Variants in MTFR1 observed in about 807,000 individuals in gnomAD.
MTFR1 encodes chondrocyte protein with a poly-proline region.
MTFR1 carries 28 observed loss-of-function variants against 38.8 expected under a neutral mutation model. That is an observed-to-expected ratio of 0.72 (90% confidence interval 0.53 to 0.99). MTFR1 has a LOEUF of 0.99. MTFR1 is among the 50% of genes least tolerant of loss of function. The probability of loss-of-function intolerance (pLI) is 0.00; values close to 1 mark genes in which losing one functional copy is unlikely to be tolerated. For synonymous variants in MTFR1, 145 were observed against 137.0 expected, an observed-to-expected ratio of 1.06 and a Z score of -0.41; for missense variants, 358 against 395.5, an observed-to-expected ratio of 0.91 and a Z score of 0.81.
At chr8:65,720,409 C>T (rs1023066179) in intron 3 of MTFR1, 1 of 154,126 alleles carries the variant, frequency 6.5e-6, no homozygotes, top group Admixed American at 6.5e-5. Flanking sequence ...CCAAGACTCT[C>T]GTTGCAGCAA....
At chr8:65,742,055 T>C (rs1807461520) in intron 3 of MTFR1, among the ~76,000 whole-genome samples, 1 of 151,916 alleles carries the variant, frequency 6.6e-6, no homozygotes, top group Non-Finnish European at 1.5e-5. Context: ...AGAACACAAG[T>C]CAACAAAATA....
chr8:65,706,413 T>C (rs1293975901), intron 5 of MTFR1, among the ~76,000 whole-genome samples: 1 of 152,144 alleles, frequency 6.6e-6, no homozygotes, highest in Non-Finnish European at 1.5e-5. Context: ...CTTACTTCAT[T>C]TCCATAACTC....
chr8:65,733,094 C>A (rs749690945), intron 3 of MTFR1, among the ~76,000 whole-genome samples: 2 of 152,122 alleles, frequency 1.3e-5, no homozygotes, highest in Non-Finnish European at 2.9e-5. Flanking sequence ...TTATCTATAT[C>A]CTTAATTGAA....
At chr8:65,712,096 GGTC>G (rs965662463), downstream of MTFR1, among the ~76,000 whole-genome samples, 2 of 152,136 alleles carry the variant, frequency 1.3e-5, no homozygotes, top group African/African-American at 4.8e-5. Flanking sequence ...GTTGCCTAAT[GGTC>G]ACCCCTCTTC....
intron 3 of MTFR1, among the ~76,000 whole-genome samples, chr8:65,770,256 TAA>T (rs1049280622): frequency 6.6e-6 from 1 of 152,074 alleles, no homozygotes; most frequent in Non-Finnish European, 1.5e-5. Flanking sequence ...ACGCTGCTGA[TAA>T]AGACATACCT....
At chr8:65,772,931 C>T (rs545715274), downstream of MTFR1, among the ~76,000 whole-genome samples, 4 of 152,226 alleles carry the variant, frequency 2.6e-5, no homozygotes, top group South Asian at 8.3e-4. Flanking sequence ...TCACTTGAAC[C>T]TGGGAGACGG....
intron 6 of MTFR1, among the ~76,000 whole-genome samples, chr8:65,707,544 G>C (rs572033389): frequency 6.6e-6 from 1 of 152,158 alleles, no homozygotes; most frequent in Non-Finnish European, 1.5e-5. Context: ...CAATAAAGGC[G>C]TGCTGTGTAC....
chr8:65,755,074 G>A (rs561107496), intron 3 of MTFR1, among the ~76,000 whole-genome samples: 7 of 145,856 alleles, frequency 4.8e-5, no homozygotes, highest in East Asian at 2.1e-4. Context: ...AGGCTGGAGC[G>A]CAGTGGTGTG....
chr8:65,655,951 A>ATAT (rs1377063247), intron 1 of MTFR1, among the ~76,000 whole-genome samples: 53 of 55,356 alleles, frequency 9.6e-4, no homozygotes, highest in African/African-American at 2.6e-3. Flanking sequence ...TAAAAAAAAA[A>ATAT]ATATATATAT....
rs190568865 is a variant in MTFR1, at chr8:65,669,594, C to G, written c.-80-279C>G. 4.2e-3 allele frequency among the ~76,000 whole-genome samples: 636 copies of G among 152,004 alleles called. 16 individuals carry two copies. The highest frequency in any genetic ancestry group is 6.0e-4 in the Non-Finnish European group (41 of 67,968). On this transcript the variant is annotated intron_variant, in intron 1 of 7. Transcript: ENST00000262146. ...TGAGACAGAGTCTCGCTCTGTCACC[C>G]AGGCTGGAGTACAATGGCGCGATCT... is the stretch of plus-strand genomic sequence containing the variant.
At position 65,677,068 on chromosome 8, in the gene MTFR1, C is replaced by CTTTTTT. The variant is rs1166560010; in HGVS notation, c.67-5267_67-5262dup. On this transcript the variant is annotated intron_variant, in intron 2 of 7. Coordinates refer to ENST00000262146, the MANE Select transcript of MTFR1 (RefSeq NM_014637.4). ...GGTTTTTCTGTTTAGCTATTTCTCTCTTTTTTTTTTTTTTTTTTTTTTTGA... is the reference window on the plus strand; with the variant it reads ...GGTTTTTCTGTTTAGCTATTTCTCTCTTTTTTTTTTTTTTTTTTTTTTTTTTTTTGA... 3.0e-4 allele frequency among the ~76,000 whole-genome samples: 30 copies of CTTTTTT among 100,100 alleles called. 1 individual carries two copies. Among genetic ancestry groups the CTTTTTT allele is most frequent in the African/African-American group, 6.8e-4 (15 of 21,982 alleles). 65.7% of individuals were successfully genotyped at this position (100,100 alleles called of 152,430 possible). A position where few individuals can be genotyped will look rare whatever the true frequency, so the allele number is the denominator to read the frequency against.
chr8:65,752,009 T>C (rs542585726), intron 3 of MTFR1, among the ~76,000 whole-genome samples: 2 of 152,330 alleles, frequency 1.3e-5, no homozygotes, highest in South Asian at 2.1e-4. Context: ...GCCAGTCCTC[T>C]ACTGAAGGGC....
At chr8:65,714,676 T>C (rs1011448331), downstream of MTFR1, 3 of 152,174 alleles carry the variant, frequency 2.0e-5, no homozygotes, top group Non-Finnish European at 2.9e-5. Flanking sequence ...GAGATACCGA[T>C]TGAGGGGATT....
intron 3 of MTFR1, chr8:65,724,744 C>T: frequency 1.3e-6 from 2 of 1,551,916 alleles, no homozygotes; most frequent in Non-Finnish European, 1.8e-6. Flanking sequence ...ATAATTTATC[C>T]TAGAAATAGA....
intron 4 of MTFR1, among the ~76,000 whole-genome samples, chr8:65,697,573 G>T (rs1251278780): frequency 6.6e-6 from 1 of 152,180 alleles, no homozygotes; most frequent in African/African-American, 2.4e-5. Flanking sequence ...GTTAAAGAAA[G>T]TTAGTATATA....
At chr8:65,739,467 A>T (rs901061464) in intron 3 of MTFR1, 5 of 1,518,722 alleles carry the variant, frequency 3.3e-6, no homozygotes, top group Non-Finnish European at 2.6e-6. Context: ...TATAAATGTA[A>T]ATCTTGTTAC....
chr8:65,669,654 C>T (rs1194374399), intron 1 of MTFR1, among the ~76,000 whole-genome samples: 3 of 151,900 alleles, frequency 2.0e-5, no homozygotes, highest in Non-Finnish European at 2.9e-5. Context: ...TGGGTTCAAG[C>T]GATTCTCCTG....
At chr8:65,739,431 T>C in intron 3 of MTFR1, 1 of 1,450,478 alleles carries the variant, frequency 6.9e-7, no homozygotes. Context: ...CCGATATAAC[T>C]GAGATAAAAC....
intron 4 of MTFR1, among the ~76,000 whole-genome samples, chr8:65,696,173 T>C (rs1433007148): frequency 6.6e-6 from 1 of 152,190 alleles, no homozygotes; most frequent in Non-Finnish European, 1.5e-5. Flanking sequence ...ATTTGAGTAG[T>C]ATTAGCTGGA....
Sources: gnomAD v4.1 joint callset for allele counts (sites outside exome capture counted in the v4.1 genomes callset) on GRCh38, gnomAD v4.1.1 for gene constraint, MANE v1.5 for transcripts, NCBI Gene and HGNC (gene_info 2026-07-23, HGNC 2026-07-21) for gene names.